The following LRP1B variants were observed in gnomAD, a reference collection of about 807,000 sequenced individuals.
The protein encoded by LRP1B is LDL receptor related protein 1B.
In LRP1B, 217 loss-of-function variants were observed where a neutral mutation model predicts 556.6. That is an observed-to-expected ratio of 0.39 (90% CI 0.35 to 0.44). The LOEUF is 0.44. Among genes scored for constraint, LRP1B ranks in the 20% least tolerant of loss-of-function variants. The pLI, the probability that LRP1B is intolerant of heterozygous loss-of-function variation, is 1.00. For synonymous variants in LRP1B, 2,047 were observed against 1,865.8 expected (o/e 1.10, Z -2.50); for missense variants, 5,053 against 5,620.8 (o/e 0.90, Z 3.23).
intron 41 of LRP1B, among the ~76,000 whole-genome samples, chr2:140,640,243 G>A (rs1033833435): frequency 6.6e-6 from 1 of 150,948 alleles, no homozygotes; most frequent in Non-Finnish European, 1.5e-5. Context: ...CACCCGCCTC[G>A]GCCTCTCGAA....
intron 3 of LRP1B, among the ~76,000 whole-genome samples, chr2:141,456,112 G>A (rs959280268): frequency 2.6e-5 from 4 of 152,216 alleles, no homozygotes; most frequent in Admixed American, 6.5e-5. Context: ...CATGGCTTTA[G>A]CTGTCAGAGG....
chr2:141,481,674 G>C (rs1479097650), intron 2 of LRP1B, among the ~76,000 whole-genome samples: 2 of 152,290 alleles, frequency 1.3e-5, no homozygotes, highest in South Asian at 2.1e-4. Flanking sequence ...AATTCAACAT[G>C]CATTAGTTAC....
intron 3 of LRP1B, among the ~76,000 whole-genome samples, chr2:141,478,689 C>T (rs1682803654): frequency 6.6e-6 from 1 of 151,696 alleles, no homozygotes; most frequent in Admixed American, 6.6e-5. Flanking sequence ...GAATACAGGC[C>T]CCTGCCACCA....
In LRP1B at chr2:140,287,741, T is replaced by C. The variant is rs1433836554; in HGVS notation, c.12967+10067A>G. On this transcript the variant is annotated intron_variant, in intron 84 of 90. Coordinates refer to ENST00000389484, the MANE Select transcript of LRP1B (RefSeq NM_018557.3). ...GGCTTCCTATTCCCATGGTGCTCTG[T>C]ACTTAAGGTGTATCTGATTCTGTGA... Among the ~76,000 whole-genome samples, 4 of 151,712 alleles carry C rather than the reference T, an allele frequency of 2.6e-5. No homozygotes were observed. The Admixed American group carries it at 2.6e-4, about 10-fold the overall frequency.
intron 41 of LRP1B, among the ~76,000 whole-genome samples, chr2:140,664,139 A>C (rs546667806): frequency 6.6e-6 from 1 of 152,318 alleles, no homozygotes; most frequent in African/African-American, 2.4e-5. Flanking sequence ...AAGATCAAAA[A>C]TCACTGATTG....
At chr2:141,776,218 G>C (rs1376364740) in intron 2 of LRP1B, among the ~76,000 whole-genome samples, 1 of 120,524 alleles carries the variant, frequency 8.3e-6, no homozygotes, top group East Asian at 2.5e-4. Context: ...TAGTTCTCAG[G>C]TAACGAAAGT....
At chr2:140,519,751 A>C (rs1002288474) in intron 49 of LRP1B, among the ~76,000 whole-genome samples, 1 of 152,204 alleles carries the variant, frequency 6.6e-6, no homozygotes, top group Non-Finnish European at 1.5e-5. Context: ...CAAAGAACTC[A>C]AACAAATTTA....
chr2:141,504,930 C>T (rs1304177572), intron 2 of LRP1B, among the ~76,000 whole-genome samples: 1 of 152,012 alleles, frequency 6.6e-6, no homozygotes, highest in African/African-American at 2.4e-5. Context: ...GTTGAATGTG[C>T]CTAATGGCTA....
intron 3 of LRP1B, among the ~76,000 whole-genome samples, chr2:141,260,936 A>G (rs1684658710): frequency 6.6e-6 from 1 of 152,156 alleles, no homozygotes; most frequent in Non-Finnish European, 1.5e-5. Context: ...AATGCCTTTT[A>G]TCCAACAACT....
chr2:141,080,247 C>T (rs1699891197), intron 7 of LRP1B, among the ~76,000 whole-genome samples: 1 of 152,092 alleles, frequency 6.6e-6, no homozygotes, highest in African/African-American at 2.4e-5. Flanking sequence ...GCTGTTCATG[C>T]CTTGATTTGT....
intron 66 of LRP1B, among the ~76,000 whole-genome samples, chr2:140,408,478 G>A (rs2105242298): frequency 6.6e-6 from 1 of 152,008 alleles, no homozygotes; most frequent in African/African-American, 2.4e-5. Flanking sequence ...ATAGCTAAGT[G>A]GGGATTCAGG....
intron 43 of LRP1B, among the ~76,000 whole-genome samples, chr2:140,572,097 GA>G (rs373207573): frequency 6.6e-6 from 1 of 151,648 alleles, no homozygotes. Flanking sequence ...AATATTTTAT[GA>G]AAAAGACCTC....
intron 77 of LRP1B, among the ~76,000 whole-genome samples, chr2:140,345,751 CATATATACAT>C (rs1180478810): frequency 8.4e-5 from 10 of 119,738 alleles, no homozygotes; most frequent in African/African-American, 1.3e-4. Flanking sequence ...TATATATACA[CATATATACAT>C]ATATACACAT....
rs761468062 is a variant in LRP1B at position 140,321,985 on chromosome 2, G to A, written c.12618C>T (p.Thr4206=). 1.9e-6 allele frequency: 3 copies of A among 1,612,966 alleles called. No individual in the cohort carries two copies. The highest frequency in any genetic ancestry group is 2.2e-5 in the East Asian group (1 of 44,788). Residue 4206 remains threonine, a synonymous_variant, in exon 82 of 91, where the codon ACC becomes ACT. Coordinates refer to ENST00000389484, the MANE Select transcript of LRP1B (RefSeq NM_018557.3). ...CACCTAACAGGCTGTCATCATTGCA[G>A]GTGCCATTAATCAAATATTTTCCTT... ...CPEGKYLING[T]CNDDSLLDDS... is the part of the protein sequence containing the mutation.
chr2:140,872,564 C>A (rs1451576069), intron 25 of LRP1B, among the ~76,000 whole-genome samples: 1 of 151,548 alleles, frequency 6.6e-6, no homozygotes, highest in Non-Finnish European at 1.5e-5. Context: ...GTGGTCTCTA[C>A]CCAGAGTTCA....
intron 11 of LRP1B, among the ~76,000 whole-genome samples, chr2:141,030,887 A>AT (rs1251057624): frequency 6.6e-6 from 1 of 152,062 alleles, no homozygotes; most frequent in African/African-American, 2.4e-5. Flanking sequence ...GTCATCACTC[A>AT]TTTTTTTGAG....
At chr2:141,336,503 G>T (rs1186494761) in intron 3 of LRP1B, among the ~76,000 whole-genome samples, 1 of 151,946 alleles carries the variant, frequency 6.6e-6, no homozygotes, top group Non-Finnish European at 1.5e-5. Context: ...AATCTAAAAA[G>T]CATATTTGTT....
intron 18 of LRP1B, among the ~76,000 whole-genome samples, chr2:140,967,713 C>A (rs1488129551): frequency 6.6e-6 from 1 of 151,902 alleles, no homozygotes; most frequent in Non-Finnish European, 1.5e-5. Context: ...AGATATGTCC[C>A]ATCAATACCT....
intron 43 of LRP1B, among the ~76,000 whole-genome samples, chr2:140,551,182 G>A (rs1680535011): frequency 6.6e-6 from 1 of 152,136 alleles, no homozygotes; most frequent in South Asian, 2.1e-4. Flanking sequence ...TGAGCTAAAA[G>A]CCACACTTTG....
Sources: allele counts gnomAD v4.1 joint callset (sites outside exome capture counted in the v4.1 genomes callset), GRCh38; gene constraint gnomAD v4.1.1; transcripts MANE v1.5; gene names NCBI Gene and HGNC (gene_info 2026-07-23, HGNC 2026-07-21).